Variants in DMXL2 observed in about 807,000 individuals in gnomAD.
The protein encoded by DMXL2 is Dmx like 2, also known as dmX-like protein 2.
Under a neutral mutation model 331.1 loss-of-function variants are expected in DMXL2, and 103 were observed. That is an observed-to-expected ratio of 0.31 (90% confidence interval 0.27 to 0.37). The LOEUF is 0.37. DMXL2 is among the 10% of genes least tolerant of loss of function. The pLI is 1.00. For missense variants in DMXL2, 3,171 were observed against 3,642.9 expected, an observed-to-expected ratio of 0.87 and a Z score of 3.33; for synonymous variants, 1,281 against 1,252.1, an observed-to-expected ratio of 1.02 and a Z score of -0.49.
At chr15:51,486,682 C>T (rs4774592) in intron 22 of DMXL2, among the ~76,000 whole-genome samples, 75,564 of 151,918 alleles carry the variant, frequency 0.5, 19,036 homozygotes, top group Non-Finnish European at 0.52. Flanking sequence ...AATTTCCAAA[C>T]ATATTTCTGC....
At chr15:51,491,288 A>T (rs2042776645) in intron 20 of DMXL2, among the ~76,000 whole-genome samples, 1 of 152,178 alleles carries the variant, frequency 6.6e-6, no homozygotes, top group Non-Finnish European at 1.5e-5. Context: ...TAAAAATACA[A>T]AAATTAGCTG....
intron 8 of DMXL2, among the ~76,000 whole-genome samples, chr15:51,545,369 ATATT>A (rs1186512598): frequency 2.0e-5 from 3 of 152,182 alleles, no homozygotes; most frequent in African/African-American, 7.2e-5. Flanking sequence ...ACTTTTAATA[ATATT>A]TACCTATAAA....
chr15:51,514,523 C>G lies in DMXL2; in HGVS notation c.2563G>C (p.Glu855Gln). ...GGTTTATATCCTATAATGAAGTCTT[C>G]TTGAAACACATGAAGCAACTGTGTA... ...SNTQLLHVFQEDFIIGYKPHK... is the reference protein window; with the variant it reads ...SNTQLLHVFQQDFIIGYKPHK... Residue 855 changes from glutamate (E) to glutamine (Q), a missense_variant, in exon 15 of 44, where the codon GAA becomes CAA. By Grantham distance (29) the Glu-to-Gln change is conservative. Around this residue, in one of 7 missense-constraint regions of DMXL2, gnomAD observed 1,674 missense variants for 1,780.2 expected, o/e 0.94. Coordinates refer to ENST00000560891, the MANE Select transcript of DMXL2 (RefSeq NM_001378457.1). 1 of 1,594,004 alleles carries G rather than the reference C, an allele frequency of 6.3e-7. No individual in the cohort carries two copies. Among genetic ancestry groups the G allele is most frequent in the Non-Finnish European group, 8.5e-7 (1 of 1,171,032 alleles).
intron 6 of DMXL2, among the ~76,000 whole-genome samples, chr15:51,548,312 A>C (rs2049003594): frequency 6.6e-6 from 1 of 152,120 alleles, no homozygotes; most frequent in African/African-American, 2.4e-5. Flanking sequence ...AAATATTTTC[A>C]TTTGGACTAG....
chr15:51,491,824 T>C, intron 19 of DMXL2, 77 bp from the exon 20 acceptor site: 1 of 1,233,254 alleles, frequency 8.1e-7, no homozygotes, highest in Non-Finnish European at 1.1e-6. Context: ...TGCAGTCACA[T>C]ACGCATTCAT....
chr15:51,485,604 T>C (rs1595972102), intron 23 of DMXL2, among the ~76,000 whole-genome samples: 1 of 152,354 alleles, frequency 6.6e-6, no homozygotes, highest in Non-Finnish European at 1.5e-5. Context: ...TGTGGATATA[T>C]TAAAACGTAT....
intron 1 of DMXL2, 22 bp from the exon 2 acceptor site, chr15:51,576,203 A>AAAAAAAAAAAAAAAAAT (rs1555441495): frequency 2.2e-6 from 3 of 1,374,482 alleles, no homozygotes; most frequent in East Asian, 2.5e-5. Flanking sequence ...AAAAAAAAAA[A>AAAAAAAAAAAAAAAAAT]GTTTTACAAT....
intron 1 of DMXL2, among the ~76,000 whole-genome samples, chr15:51,585,219 G>A (rs975020252): frequency 2.5e-5 from 3 of 122,154 alleles, no homozygotes; most frequent in African/African-American, 9.6e-5. Flanking sequence ...TTTTCAAAGG[G>A]AATGCTTCCA....
At chr15:51,569,371 C>T (rs1344012636) in intron 2 of DMXL2, among the ~76,000 whole-genome samples, 1 of 152,104 alleles carries the variant, frequency 6.6e-6, no homozygotes, top group Non-Finnish European at 1.5e-5. Flanking sequence ...AGACAGAGCA[C>T]GTGGGGGAAG....
chr15:51,621,720 A>C (rs767388289), intron 1 of DMXL2, among the ~76,000 whole-genome samples: 1 of 151,740 alleles, frequency 6.6e-6, no homozygotes, highest in Non-Finnish European at 1.5e-5. Context: ...GCACTGTTGT[A>C]AATTTTTCAC....
intron 1 of DMXL2, among the ~76,000 whole-genome samples, chr15:51,586,867 C>A (rs368443378): frequency 1.3e-5 from 2 of 151,740 alleles, no homozygotes; most frequent in Admixed American, 6.6e-5. Flanking sequence ...AAGGTAGATC[C>A]GGAAGTGGAA....
At chr15:51,485,239 G>T (rs1473568681) in intron 23 of DMXL2, among the ~76,000 whole-genome samples, 1 of 152,126 alleles carries the variant, frequency 6.6e-6, no homozygotes, top group Non-Finnish European at 1.5e-5. Context: ...AGGCATCTAG[G>T]TCCAGGGTGT....
intron 1 of DMXL2, among the ~76,000 whole-genome samples, chr15:51,598,419 T>C (rs2052986876): frequency 6.6e-6 from 1 of 152,200 alleles, no homozygotes; most frequent in African/African-American, 2.4e-5. Context: ...ACAGTACAAT[T>C]ATCAAGATCG....
At chr15:51,517,274 G>A (rs2047089121) in intron 13 of DMXL2, 107 bp from the exon 14 acceptor site, 2 of 749,798 alleles carry the variant, frequency 2.7e-6, no homozygotes, top group Middle Eastern at 3.3e-4. Context: ...TTCACTGATT[G>A]GCAATGGAAT....
intron 1 of DMXL2, among the ~76,000 whole-genome samples, chr15:51,621,884 AT>A (rs2054653847): frequency 6.6e-6 from 1 of 152,060 alleles, no homozygotes; most frequent in Non-Finnish European, 1.5e-5. Flanking sequence ...CGGAGGATGA[AT>A]TTTTCTATCT....
intron 41 of DMXL2, among the ~76,000 whole-genome samples, chr15:51,451,949 A>G (rs2039182405): frequency 1.3e-5 from 2 of 152,172 alleles, no homozygotes; most frequent in Non-Finnish European, 2.9e-5. Flanking sequence ...CAGGAAACTG[A>G]TATGACTTCC....
rs138289317 is a variant in DMXL2, at chr15:51,518,010, T to G, written c.2437-843A>C. Among the ~76,000 whole-genome samples the G allele has an allele frequency of 2.1e-3, 326 of 152,248 alleles. 1 individual carries two copies. The highest frequency in any genetic ancestry group is 7.5e-3 in the African/African-American group (312 of 41,558). ...GGGTATGTTCACCCAAGATTCATGA[T>G]TTAAAGTGTTAGCTCAGACATTTAG... On this transcript the variant is annotated intron_variant, in intron 13 of 43. Transcript: ENST00000560891.
In DMXL2 at chr15:51,476,600, G is replaced by A. The variant is rs2041603102; in HGVS notation, c.6953C>T (p.Ala2318Val). Residue 2318 changes from alanine (A) to valine (V), a missense_variant, in exon 27 of 44, where the codon GCT (alanine) becomes GTT (valine). Physicochemically the swap from Ala to Val is moderately conservative, Grantham distance 64. Transcript: ENST00000560891. The stretch of plus-strand genomic sequence containing the variant: ...ATTTAAATTCTCACCAGGCCATTGA[G>A]CAGGAGATGAATTTGGTGTTGCGTG... ...EEHATPNSSPAQWPGVSSLIN... is the reference protein window; with the variant it reads ...EEHATPNSSPVQWPGVSSLIN... 6.2e-7 allele frequency: 1 copy of A among 1,606,478 alleles called. No homozygotes were observed. The highest frequency in any genetic ancestry group is 1.7e-5 in the Admixed American group (1 of 58,490).
intron 1 of DMXL2, among the ~76,000 whole-genome samples, chr15:51,587,989 A>G (rs904669447): frequency 6.6e-6 from 1 of 152,012 alleles, no homozygotes; most frequent in African/African-American, 2.4e-5. Flanking sequence ...GTCTGTTCAT[A>G]TCCTTTGCCC....
Sources: gnomAD v4.1 joint callset for allele counts (sites outside exome capture counted in the v4.1 genomes callset) on GRCh38, gnomAD v4.1.1 for gene constraint, gnomAD v4.1.1 regional missense constraint, MANE v1.5 for transcripts, NCBI Gene and HGNC (gene_info 2026-07-23, HGNC 2026-07-21) for gene names.